ERBB2: variants seen among roughly 807,000 people sequenced by gnomAD.
The protein encoded by ERBB2 is erb-b2 receptor tyrosine kinase 2, also known as receptor tyrosine-protein kinase erbB-2.
In ERBB2, 61 loss-of-function variants were observed where a neutral mutation model predicts 149.0. That is an observed-to-expected ratio of 0.41 (90% CI 0.33 to 0.51). The LOEUF (loss-of-function observed/expected upper bound fraction) is 0.51. ERBB2 is among the 20% of genes least tolerant of loss of function. The pLI, the probability that ERBB2 is intolerant of heterozygous loss-of-function variation, is 0.25. For missense variants in ERBB2, 1,205 were observed against 1,655.1 expected (o/e 0.73, Z 4.72); for synonymous variants, 633 against 678.8 (o/e 0.93, Z 1.05).
At position 39,727,790 on chromosome 17, in the gene ERBB2, ACT is replaced by A; in HGVS notation, c.3520_3521del (p.Ser1174ProfsTer102). On this transcript the variant is annotated frameshift_variant, in exon 27 of 27. Coordinates refer to ENST00000269571, the MANE Select transcript of ERBB2 (RefSeq NM_004448.4). LOFTEE classifies it high-confidence loss of function. This position sits in a 1 kb window ranked among gnomAD's most constrained non-coding sequence, Gnocchi z 4.3. The part of the protein sequence containing the change: ...PAGATLERPK[T>X]LSPGKNGVVK... ...TGGTGCCACTCTGGAAAGGCCCAAG[ACT>A]CTCTCCCCAGGGAAGAATGGGGTCG... 4.3e-6 allele frequency: 7 copies of A among 1,612,280 alleles called. No individual in the cohort carries two copies. The highest frequency in any genetic ancestry group is 5.9e-6 in the Non-Finnish European group (7 of 1,179,132).
intron 9 of ERBB2, 146 bp from the exon 10 acceptor site, chr17:39,715,140 T>C: frequency 3.1e-6 from 2 of 645,770 alleles, no homozygotes; most frequent in Non-Finnish European, 5.5e-6. Context: ...GCCTGGGCTT[T>C]GAAGCCCAGG....
At chr17:39,711,840 ATTC>A (rs1341602733) in intron 7 of ERBB2, 85 bp from the exon 8 acceptor site, 5 of 1,520,332 alleles carry the variant, frequency 3.3e-6, no homozygotes, top group Non-Finnish European at 4.5e-6. Flanking sequence ...GGTTGATATT[ATTC>A]TTCTTGTGCC....
chr17:39,712,163 C>T (rs1405175191), intron 8 of ERBB2, 116 bp downstream of exon 8: 1 of 1,547,082 alleles, frequency 6.5e-7, no homozygotes, highest in African/African-American at 1.4e-5. Context: ...TAGTCTCTGC[C>T]TTCTACTCTC....
chr17:39,726,270 T>C lies in ERBB2; in HGVS notation c.2873-292T>C. 4.3e-6 allele frequency: 2 copies of C among 467,204 alleles called. No homozygotes were observed. The highest frequency in any genetic ancestry group is 6.0e-4 in the Middle Eastern group (1 of 1,676). The allele number at this position is 467,204 out of a possible 1,614,324, so 28.9% of individuals were successfully genotyped here. A position where few individuals can be genotyped will look rare whatever the true frequency, so the allele number is the denominator to read the frequency against. ...AAGATCACTTGAGCCTAGTTTAAGG[T>C]TGCAGTAAGCTATGATTGCACCACT... On this transcript the variant is annotated intron_variant, in intron 23 of 26. Coordinates refer to ENST00000269571, the MANE Select transcript of ERBB2 (RefSeq NM_004448.4). The surrounding 1 kb of genome is among the most constrained non-coding windows in gnomAD (Gnocchi z 5.1).
chr17:39,728,528 CTTTT>C lies in ERBB2; in HGVS notation c.*488_*491del, dbSNP rs1483253620. 4.2e-6 allele frequency: 1 copy of C among 236,260 alleles called. No individual in the cohort carries two copies. The highest frequency in any genetic ancestry group is 6.0e-5 in the East Asian group (1 of 16,754). 14.6% of individuals were successfully genotyped at this position (236,260 alleles called of 1,614,324 possible). A position where few individuals can be genotyped will look rare whatever the true frequency, so the allele number is the denominator to read the frequency against. On this transcript the variant is annotated 3_prime_UTR_variant, in exon 27 of 27. Coordinates refer to ENST00000269571, the MANE Select transcript of ERBB2 (RefSeq NM_004448.4). ...AGAGTGCTTTTCTGTTTAGTTTTTA[CTTTT>C]TTTGTTTTGTTTTTTTAAAGATGAA...
rs750470229 is a variant in ERBB2 at position 39,727,646 on chromosome 17, G to A, written c.3413-43G>A. 4.5e-6 allele frequency: 7 copies of A among 1,548,426 alleles called. 1 individual carries two copies. In the South Asian group the frequency reaches 6.1e-5, roughly 14 times the overall value. On this transcript the variant is annotated intron_variant, in intron 26 of 26. Transcript: ENST00000269571. This position sits in a 1 kb window ranked among gnomAD's most constrained non-coding sequence, Gnocchi z 4.3. ...GGGCAGAGGGAGTGGCAGAGACACC[G>A]GGGTTCCTTCCCCTAATGGGTCACC...
At position 39,728,628 on chromosome 17, in the gene ERBB2, T is replaced by C; in HGVS notation, c.*584T>C. The C allele has an allele frequency of 4.3e-6, 1 of 233,256 alleles. No individual in the cohort carries two copies. Among genetic ancestry groups the C allele is most frequent in the East Asian group, 6.0e-5 (1 of 16,700 alleles). 14.4% of individuals were successfully genotyped at this position (233,256 alleles called of 1,614,324 possible). ...TGGGGGGTCCTTCTCCACACCCACT[T>C]TGTCCATTTGCAAATATATTTTGGA... On this transcript the variant is annotated 3_prime_UTR_variant, in exon 27 of 27. Transcript: ENST00000269571.
exon 2 of ERBB2, chr17:39,688,800 G>A (rs767616586): frequency 1.2e-4 from 18 of 152,378 alleles, no homozygotes; most frequent in Non-Finnish European, 2.4e-4. Flanking sequence ...TTTGGCTTAT[G>A]GTAGGCGCTA....
At chr17:39,698,639 C>G (rs923910974), upstream of ERBB2, among the ~76,000 whole-genome samples, 1 of 152,014 alleles carries the variant, frequency 6.6e-6, no homozygotes, top group Non-Finnish European at 1.5e-5. Flanking sequence ...AGCAACCTGT[C>G]CCACAAGAGG....
intron 8 of ERBB2, 100 bp from the exon 9 acceptor site, chr17:39,712,222 G>A (rs1383329823): frequency 6.4e-7 from 1 of 1,551,288 alleles, no homozygotes; most frequent in Non-Finnish European, 8.8e-7. Context: ...TCCCCTGTCA[G>A]TGTGGGGAGG....
At position 39,727,545 on chromosome 17, in the gene ERBB2, C is replaced by T. The variant is rs1229072211; in HGVS notation, c.3410C>T (p.Pro1137Leu). The change falls in exon 26 of 27, where the codon CCT becomes CTT. Residue 1137 changes from proline to leucine, a missense_variant and splice_region_variant. Around this residue, in one of 6 missense-constraint regions of ERBB2, gnomAD observed 312 missense variants for 343.8 expected, o/e 0.91. Transcript: ENST00000269571. The surrounding 1 kb of genome is among the most constrained non-coding windows in gnomAD (Gnocchi z 4.3). ...YVAPLTCSPQ[P>L]EYVNQPDVRP... The stretch of plus-strand genomic sequence containing the variant: ...GCCCCCCTGACCTGCAGCCCCCAGC[C>T]TGGTATGGAGTCCAGTCTAAGCAGA... 1 of 1,599,750 alleles carries T rather than the reference C, an allele frequency of 6.3e-7. No individual in the cohort carries two copies.
In ERBB2 at chr17:39,726,440, C is replaced by A; in HGVS notation, c.2873-122C>A. The A allele has an allele frequency of 1.3e-6, 1 of 744,936 alleles. No individual in the cohort carries two copies. The highest frequency in any genetic ancestry group is 1.5e-5 in the South Asian group (1 of 65,972). 46.1% of individuals were successfully genotyped at this position (744,936 alleles called of 1,614,324 possible). On this transcript the variant is annotated intron_variant, in intron 23 of 26. Coordinates refer to ENST00000269571, the MANE Select transcript of ERBB2 (RefSeq NM_004448.4). This position sits in a 1 kb window ranked among gnomAD's most constrained non-coding sequence, Gnocchi z 5.1. Reference sequence around the variant, plus strand: ...CCAGAGTCTGGTGCTACTTCTCTACCACCTGAGGGCTTTGGGCTGTCCCTT... The same window carrying A: ...CCAGAGTCTGGTGCTACTTCTCTACAACCTGAGGGCTTTGGGCTGTCCCTT...
rs1567902155 is a variant in ERBB2 at position 39,712,055 on chromosome 17, CT to C, written c.1021+9del. ...GCAAGCCCTGTGCCCGAGGTACCCA[CT>C]CACTGCCCCCGAGGCCAGCTGCAGT... On this transcript the variant is annotated intron_variant, in intron 8 of 26. Transcript: ENST00000269571. 1 of 1,613,882 alleles carries C rather than the reference CT, an allele frequency of 6.2e-7. No individual in the cohort carries two copies. Among genetic ancestry groups the C allele is most frequent in the Admixed American group, 1.7e-5 (1 of 60,026 alleles).
In ERBB2 at chr17:39,700,286, G is replaced by GC; in HGVS notation, c.54dup (p.Gly19ArgfsTer91). ...GCTGGGGGCTCCTCCTCGCCCTCTT[G>GC]CCCCCCGGAGCCGCGAGCACCCAAG... On this transcript the variant is annotated frameshift_variant, in exon 1 of 27. Transcript: ENST00000269571. LOFTEE classifies it high-confidence loss of function. 5.6e-6 allele frequency: 8 copies of GC among 1,429,076 alleles called. No homozygotes were observed. Among genetic ancestry groups the GC allele is most frequent in the South Asian group, 4.3e-5 (3 of 69,234 alleles). 88.5% of individuals were successfully genotyped at this position (1,429,076 alleles called of 1,614,324 possible).
intron 4 of ERBB2, 129 bp from the exon 5 acceptor site, chr17:39,709,684 T>G (rs2058679791): frequency 9.9e-7 from 1 of 1,008,008 alleles, no homozygotes; most frequent in East Asian, 2.5e-5. Context: ...TCTCAGCCTG[T>G]CTGGGTCCCT....
Position 39,703,612 on chromosome 17 carries a change from A to G in ERBB2, c.73+3301A>G, listed in dbSNP as rs138805146. ...GTTACAGCCAAGTTTAGGTCAGTAA[A>G]TATTCACCAAGTTGCAGGTACTGCA... On this transcript the variant is annotated intron_variant, in intron 1 of 26. Coordinates refer to ENST00000269571, the MANE Select transcript of ERBB2 (RefSeq NM_004448.4). 2.3e-3 allele frequency among the ~76,000 whole-genome samples: 353 copies of G among 152,368 alleles called. 1 individual carries two copies. Among genetic ancestry groups the G allele is most frequent in the Non-Finnish European group, 3.7e-3 (252 of 68,038 alleles).
upstream of ERBB2, among the ~76,000 whole-genome samples, chr17:39,691,936 T>TATAC (rs1471860296): frequency 1.3e-3 from 181 of 135,992 alleles, 1 homozygote; most frequent in African/African-American, 5.0e-3. Context: ...TACATATACA[T>TATAC]ATATATATAT....
chr17:39,690,447 G>A (rs562741923), upstream of ERBB2, among the ~76,000 whole-genome samples: 54 of 152,286 alleles, frequency 3.5e-4, 1 homozygote, highest in Admixed American at 3.5e-3. Flanking sequence ...ATTTGTTCGG[G>A]TCTAAAGTAT....
chr17:39,726,678 C>T lies in ERBB2; in HGVS notation c.2970+19C>T, dbSNP rs2143146064. 1 of 1,610,766 alleles carries T rather than the reference C, an allele frequency of 6.2e-7. No homozygotes were observed. Among genetic ancestry groups the T allele is most frequent in the Non-Finnish European group, 8.5e-7 (1 of 1,176,932 alleles). ...CATCCAGGTACTGGGCCTCTGTGCCCCATCCCTGCCTGTGGCTAAGAGCAC... is the reference window on the plus strand; with the variant it reads ...CATCCAGGTACTGGGCCTCTGTGCCTCATCCCTGCCTGTGGCTAAGAGCAC... On this transcript the variant is annotated intron_variant, in intron 24 of 26. Transcript: ENST00000269571. The surrounding 1 kb of genome is among the most constrained non-coding windows in gnomAD (Gnocchi z 5.1).
Sources: allele counts gnomAD v4.1 joint callset (sites outside exome capture counted in the v4.1 genomes callset), GRCh38; gene constraint gnomAD v4.1.1; regional missense constraint gnomAD v4.1.1; non-coding constraint Gnocchi (gnomAD v3.1); transcripts MANE v1.5; gene names NCBI Gene and HGNC (gene_info 2026-07-23, HGNC 2026-07-21).